PDE10A: variants seen among roughly 807,000 people sequenced by gnomAD.
The protein encoded by PDE10A is cAMP and cAMP-inhibited cGMP 3',5'-cyclic phosphodiesterase 10A.
PDE10A carries 39 observed loss-of-function variants against 97.7 expected under a neutral mutation model. The observed-to-expected ratio is 0.40, with a 90% CI of 0.31 to 0.52. PDE10A has a LOEUF of 0.52. Ranked by LOEUF, PDE10A falls within the 20% of genes least tolerant of loss-of-function variation. The pLI, the probability that PDE10A is intolerant of heterozygous loss-of-function variation, is 0.56. For missense variants in PDE10A, 731 were observed against 1,047.8 expected (o/e 0.70, Z 4.17); for synonymous variants, 371 against 376.8 (o/e 0.98, Z 0.18).
rs1271582708 is a variant in PDE10A at position 165,331,464 on chromosome 6, T to G, written c.*1561A>C. On this transcript the variant is annotated 3_prime_UTR_variant, in exon 22 of 22. Transcript: ENST00000539869. ...GTTGTAGAAGCCTCTGATTTAATTT[T>G]GCACAAACCAGGCTCATATGAACAA... The G allele has an allele frequency of 1.3e-5, 2 of 152,228 alleles. No individual in the cohort carries two copies. The highest frequency in any genetic ancestry group is 1.3e-4 in the Admixed American group (2 of 15,282). The allele number at this position is 152,228 out of a possible 1,614,324, so 9.4% of individuals were successfully genotyped here.
intron 1 of PDE10A, among the ~76,000 whole-genome samples, chr6:165,693,287 T>C (rs1399634689): frequency 6.6e-6 from 1 of 151,984 alleles, no homozygotes; most frequent in Non-Finnish European, 1.5e-5. Context: ...TCCCAGCACT[T>C]TGGGAGGCCT....
At position 165,663,189 on chromosome 6, in the gene PDE10A, A is replaced by T. The variant is rs1461843332; in HGVS notation, c.-378T>A. 6.6e-6 allele frequency among the ~76,000 whole-genome samples: 1 copy of T among 151,800 alleles called. No individual in the cohort carries two copies. Among genetic ancestry groups the T allele is most frequent in the Non-Finnish European group, 1.5e-5 (1 of 67,904 alleles). ...CGAAAGCAGCGGAGAAAAGCGCCGC[A>T]GTGCCGCTGCCCGTGGAGGCGGTGG... is the stretch of plus-strand genomic sequence containing the variant. On this transcript the variant is annotated 5_prime_UTR_variant, in exon 1 of 22. Coordinates refer to ENST00000539869, the MANE Select transcript of PDE10A (RefSeq NM_001385079.1).
chr6:165,960,061 C>G (rs1475899080), intron 1 of PDE10A, among the ~76,000 whole-genome samples: 1 of 151,976 alleles, frequency 6.6e-6, no homozygotes, highest in African/African-American at 2.4e-5. Context: ...GTACAGCCAT[C>G]CAAAATTAAA....
intron 12 of PDE10A, among the ~76,000 whole-genome samples, chr6:165,414,203 C>T (rs192010795): frequency 2.0e-5 from 3 of 152,310 alleles, no homozygotes; most frequent in East Asian, 1.9e-4. Flanking sequence ...AACACAGCCA[C>T]ACCATTCATT....
intron 2 of PDE10A, among the ~76,000 whole-genome samples, chr6:165,504,876 G>A (rs113794762): frequency 1.3e-5 from 2 of 152,036 alleles, no homozygotes; most frequent in African/African-American, 2.4e-5. Flanking sequence ...TCAGATTTCC[G>A]AGCATCTTAT....
intron 1 of PDE10A, among the ~76,000 whole-genome samples, chr6:165,647,389 A>C (rs1008977745): frequency 6.6e-6 from 1 of 152,224 alleles, no homozygotes; most frequent in African/African-American, 2.4e-5. Flanking sequence ...GACCGAGTGA[A>C]GGCGAAACGC....
chr6:165,408,396 G>GA (rs890516033), intron 13 of PDE10A, among the ~76,000 whole-genome samples: 7 of 151,830 alleles, frequency 4.6e-5, no homozygotes, highest in Non-Finnish European at 8.8e-5. Flanking sequence ...TGATGCTTGG[G>GA]AAAAAAATGC....
Position 165,336,206 on chromosome 6 carries a change from C to G in PDE10A, c.2982G>C (p.Gly994=). The change falls in exon 21 of 22, where the codon GGG becomes GGC. Residue 994 remains glycine (G), a synonymous_variant. Coordinates refer to ENST00000539869, the MANE Select transcript of PDE10A (RefSeq NM_001385079.1). ...AGGGAATGGCCACGGCATTGTAGAA[C>G]CCAAGCTGCCTCCATGCAAAAACCA... The part of the protein sequence containing the change: ...KKDEVPQGQL[G]FYNAVAIPCY... The G allele has an allele frequency of 6.2e-7, 1 of 1,612,958 alleles. No homozygotes were observed. Among genetic ancestry groups the G allele is most frequent in the Non-Finnish European group, 8.5e-7 (1 of 1,179,318 alleles).
At chr6:165,397,083 T>C (rs1482347352) in intron 13 of PDE10A, among the ~76,000 whole-genome samples, 2 of 152,204 alleles carry the variant, frequency 1.3e-5, no homozygotes, top group African/African-American at 4.8e-5. Flanking sequence ...TATAAATTGG[T>C]AATTACATTA....
At chr6:165,886,005 T>C (rs1405900893) in intron 1 of PDE10A, among the ~76,000 whole-genome samples, 1 of 152,230 alleles carries the variant, frequency 6.6e-6, no homozygotes, top group Non-Finnish European at 1.5e-5. Flanking sequence ...AAAAATATTG[T>C]CTATCATAAG....
At chr6:165,963,864 C>G (rs1489718754) in intron 1 of PDE10A, among the ~76,000 whole-genome samples, 1 of 152,214 alleles carries the variant, frequency 6.6e-6, no homozygotes, top group African/African-American at 2.4e-5. Context: ...TTGGGCCAGG[C>G]AGCCGTCTCA....
intron 5 of PDE10A, among the ~76,000 whole-genome samples, chr6:165,438,683 C>T (rs186207855): frequency 1.5e-3 from 226 of 152,160 alleles, no homozygotes; most frequent in African/African-American, 5.0e-3. Flanking sequence ...TTGGCCTGGG[C>T]GCAGTAACTC....
intron 1 of PDE10A, among the ~76,000 whole-genome samples, chr6:165,877,618 G>A (rs901435158): frequency 1.3e-5 from 2 of 152,032 alleles, no homozygotes; most frequent in African/African-American, 4.8e-5. Context: ...TGGCTAAATT[G>A]AGCTCATTAA....
intron 1 of PDE10A, among the ~76,000 whole-genome samples, chr6:165,569,922 A>G (rs1027115110): frequency 6.6e-6 from 1 of 152,216 alleles, no homozygotes; most frequent in African/African-American, 2.4e-5. Context: ...AAACTTTCCA[A>G]TGTAAACTAC....
chr6:165,330,318 C>T lies in PDE10A; in HGVS notation c.*2707G>A, dbSNP rs1781273341. The T allele has an allele frequency of 6.6e-6, 1 of 152,086 alleles. No homozygotes were observed. The highest frequency in any genetic ancestry group is 6.6e-5 in the Admixed American group (1 of 15,264). The allele number at this position is 152,086 out of a possible 1,614,324, so 9.4% of individuals were successfully genotyped here. On this transcript the variant is annotated 3_prime_UTR_variant, in exon 22 of 22. Transcript: ENST00000539869. ...TCTTGGCTTCTGGTGTCACACTGTT[C>T]TTTTAAGAAAAGATCTGGGAACAAG...
intron 1 of PDE10A, among the ~76,000 whole-genome samples, chr6:165,605,863 G>C (rs1233084467): frequency 1.3e-5 from 2 of 152,166 alleles, no homozygotes; most frequent in Admixed American, 6.5e-5. Context: ...GAAAGAGACA[G>C]GTTTTGATTC....
intron 1 of PDE10A, among the ~76,000 whole-genome samples, chr6:165,822,154 G>C (rs73031955): frequency 6.6e-6 from 1 of 152,158 alleles, no homozygotes; most frequent in Non-Finnish European, 1.5e-5. Flanking sequence ...GTCCTTTGGC[G>C]GTTGTATCCT....
At chr6:165,577,841 G>T (rs1425302943) in intron 1 of PDE10A, among the ~76,000 whole-genome samples, 3 of 152,304 alleles carry the variant, frequency 2.0e-5, no homozygotes, top group Non-Finnish European at 4.4e-5. Flanking sequence ...AGGACGGACG[G>T]GAAACTTCCT....
At chr6:165,710,244 A>G (rs1791860763) in intron 1 of PDE10A, among the ~76,000 whole-genome samples, 1 of 152,188 alleles carries the variant, frequency 6.6e-6, no homozygotes, top group Admixed American at 6.5e-5. Flanking sequence ...CAAGTAGAAT[A>G]TGAACCCCTG....
Sources: gnomAD v4.1 joint callset for allele counts (sites outside exome capture counted in the v4.1 genomes callset) on GRCh38, gnomAD v4.1.1 for gene constraint, MANE v1.5 for transcripts, NCBI Gene and HGNC (gene_info 2026-07-23, HGNC 2026-07-21) for gene names.